PGBD2: variants seen among roughly 807,000 people sequenced by gnomAD.
The protein encoded by PGBD2 is piggyBac transposable element-derived protein 2.
A neutral mutation model predicts 8.1 loss-of-function variants in PGBD2; 6 were observed. The ratio of observed to expected loss-of-function variants is 0.74; its 90% CI spans 0.40 to 1.46. The LOEUF is 1.46. PGBD2 is among the 40% of genes most tolerant of loss of function. PGBD2 has a pLI of 0.02. For missense variants in PGBD2, 802 were observed against 739.0 expected (o/e 1.09, Z -0.99); for synonymous variants, 318 against 272.2 (o/e 1.17, Z -1.66).
downstream of PGBD2, among the ~76,000 whole-genome samples, chr1:248,921,781 T>C (rs1167342344): frequency 1.3e-5 from 2 of 152,238 alleles, no homozygotes; most frequent in African/African-American, 2.4e-5. Flanking sequence ...GGAATGTTTT[T>C]CCATTTGTTT....
At chr1:248,903,935 C>T (rs1166971787), upstream of PGBD2, among the ~76,000 whole-genome samples, 1 of 152,114 alleles carries the variant, frequency 6.6e-6, no homozygotes, top group East Asian at 1.9e-4. Flanking sequence ...GTTATTTAGT[C>T]AATGCGACAT....
At chr1:248,922,633 C>G (rs1662310649), downstream of PGBD2, among the ~76,000 whole-genome samples, 1 of 152,164 alleles carries the variant, frequency 6.6e-6, no homozygotes, top group Non-Finnish European at 1.5e-5. Context: ...TACATTCCAT[C>G]AATACCTAGT....
chr1:248,893,307 G>A, the PGBD2 span, among the ~76,000 whole-genome samples: 1 of 152,152 alleles, frequency 6.6e-6, no homozygotes, highest in African/African-American at 2.4e-5. Context: ...GCACTATGTT[G>A]TACAGCAGTT....
At position 248,917,204 on chromosome 1, in the gene PGBD2, C is replaced by T; in HGVS notation, c.620C>T (p.Ser207Leu). ...RRMFWETSPD[S>L]HHHLVADAIR... The stretch of plus-strand genomic sequence containing the variant: ...ATGTTCTGGGAAACCTCTCCCGATT[C>T]ACATCATCATCTTGTGGCTGATGCA... The change falls in exon 3 of 3, where the codon TCA becomes TTA. Residue 207 changes from serine to leucine, a missense_variant. By Grantham distance (145) the Ser-to-Leu change is moderately radical. Coordinates refer to ENST00000329291, the MANE Select transcript of PGBD2 (RefSeq NM_170725.3). 6.2e-7 allele frequency: 1 copy of T among 1,614,140 alleles called. No homozygotes were observed. The highest frequency in any genetic ancestry group is 1.1e-5 in the South Asian group (1 of 91,072).
At chr1:248,878,346 T>C in the PGBD2 span, among the ~76,000 whole-genome samples, 1 of 151,978 alleles carries the variant, frequency 6.6e-6, no homozygotes, top group East Asian at 1.9e-4. Context: ...GCCCAGCTAG[T>C]TTTTGTATTT....
rs897975972 is a variant in PGBD2 at position 248,918,825 on chromosome 1, G to A, written c.*462G>A. 2.4e-5 allele frequency: 4 copies of A among 166,922 alleles called. No homozygotes were observed. The highest frequency in any genetic ancestry group is 9.7e-5 in the African/African-American group (4 of 41,400). The allele number at this position is 166,922 out of a possible 1,614,324, so 10.3% of individuals were successfully genotyped here. On this transcript the variant is annotated 3_prime_UTR_variant, in exon 3 of 3. Transcript: ENST00000329291. ...TAATCCAAGTTTATCAAACTTTTGA[G>A]GGATAATCTGCCTTGTATTTAGTCA...
At chr1:248,911,495 G>A (rs1661873257) in intron 1 of PGBD2, among the ~76,000 whole-genome samples, 1 of 147,298 alleles carries the variant, frequency 6.8e-6, no homozygotes, top group African/African-American at 2.7e-5. Flanking sequence ...AGAACAAAAC[G>A]AAAAGTCTCC....
At chr1:248,922,152 C>T (rs868535262), downstream of PGBD2, among the ~76,000 whole-genome samples, 10 of 151,646 alleles carry the variant, frequency 6.6e-5, no homozygotes, top group South Asian at 2.1e-4. Flanking sequence ...GTCCGCCTCC[C>T]GGGTTCACGC....
rs1282903417 is a variant in PGBD2 at position 248,918,294 on chromosome 1, C to G, written c.1710C>G (p.Thr570=). The change falls in exon 3 of 3, where the codon ACC becomes ACG. Residue 570 remains threonine, a synonymous_variant. Coordinates refer to ENST00000329291, the MANE Select transcript of PGBD2 (RefSeq NM_170725.3). ...RTRCALCHSQ[T]NTRCEKCQKG... ...GGTGTGCCCTCTGCCACTCACAGAC[C>G]AACACCCGGTGTGAGAAGTGCCAGA... is the stretch of plus-strand genomic sequence containing the variant. 6.2e-7 allele frequency: 1 copy of G among 1,600,778 alleles called. No homozygotes were observed. The highest frequency in any genetic ancestry group is 2.2e-5 in the East Asian group (1 of 44,848).
chr1:248,880,079 G>A, the PGBD2 span, among the ~76,000 whole-genome samples: 5 of 152,138 alleles, frequency 3.3e-5, no homozygotes, highest in African/African-American at 1.2e-4. Context: ...CATAAACCAG[G>A]TGTTTGGCAA....
At chr1:248,898,745 T>C in the PGBD2 span, among the ~76,000 whole-genome samples, 1 of 151,966 alleles carries the variant, frequency 6.6e-6, no homozygotes, top group Admixed American at 6.5e-5. Flanking sequence ...CGGGAACAAA[T>C]TCACAAAGAA....
At chr1:248,875,443 C>T in the PGBD2 span, among the ~76,000 whole-genome samples, 1 of 151,954 alleles carries the variant, frequency 6.6e-6, no homozygotes, top group Non-Finnish European at 1.5e-5. Flanking sequence ...AACATGCTGT[C>T]ATATGCTAGT....
At chr1:248,873,944 G>A in the PGBD2 span, among the ~76,000 whole-genome samples, 3 of 152,292 alleles carry the variant, frequency 2.0e-5, no homozygotes, top group Non-Finnish European at 2.9e-5. Flanking sequence ...GCGTGGGTTC[G>A]AATCCCACTT....
At chr1:248,882,125 G>C in the PGBD2 span, among the ~76,000 whole-genome samples, 5 of 152,146 alleles carry the variant, frequency 3.3e-5, no homozygotes, top group East Asian at 9.6e-4. Flanking sequence ...GGCAGGTTGA[G>C]AAATAATAGA....
At chr1:248,922,720 G>A (rs909780066), downstream of PGBD2, among the ~76,000 whole-genome samples, 1 of 152,126 alleles carries the variant, frequency 6.6e-6, no homozygotes, top group Admixed American at 6.5e-5. Flanking sequence ...ATAATCATGT[G>A]GTTTTTGTCT....
chr1:248,880,323 G>A, the PGBD2 span, among the ~76,000 whole-genome samples: 1 of 152,180 alleles, frequency 6.6e-6, no homozygotes, highest in Non-Finnish European at 1.5e-5. Context: ...TGAAGAAAAG[G>A]CATATGACAT....
At chr1:248,874,679 G>C in the PGBD2 span, among the ~76,000 whole-genome samples, 1 of 152,168 alleles carries the variant, frequency 6.6e-6, no homozygotes, top group East Asian at 1.9e-4. Flanking sequence ...GGTCAGGGCC[G>C]GTCCTAGCTC....
At chr1:248,878,958 G>C in the PGBD2 span, among the ~76,000 whole-genome samples, 1 of 152,112 alleles carries the variant, frequency 6.6e-6, no homozygotes, top group South Asian at 2.1e-4. Context: ...AAAGGTGTTG[G>C]GTTTGTGTGT....
the PGBD2 span, among the ~76,000 whole-genome samples, chr1:248,926,090 C>A: frequency 6.6e-6 from 1 of 151,988 alleles, no homozygotes; most frequent in East Asian, 1.9e-4. Context: ...GCTTTTTGCA[C>A]ATCTGTCCCT....
Sources: allele counts gnomAD v4.1 joint callset (sites outside exome capture counted in the v4.1 genomes callset), GRCh38; gene constraint gnomAD v4.1.1; transcripts MANE v1.5; gene names NCBI Gene and HGNC (gene_info 2026-07-23, HGNC 2026-07-21).